Variants in ACTC1 observed in about 807,000 individuals in gnomAD.
ACTC1 encodes actin alpha cardiac muscle 1.
In ACTC1, 10 loss-of-function variants were observed where a neutral mutation model predicts 31.6. That is an observed-to-expected ratio of 0.32 (90% CI 0.19 to 0.54). ACTC1 has a LOEUF of 0.54. Among genes scored for constraint, ACTC1 ranks in the 20% least tolerant of loss-of-function variants. The pLI is 0.95. For missense variants in ACTC1, 129 were observed against 506.4 expected, an observed-to-expected ratio of 0.25 and a Z score of 7.15; for synonymous variants, 196 against 185.0, an observed-to-expected ratio of 1.06 and a Z score of -0.48.
Position 34,792,575 on chromosome 15 carries a change from C to T in ACTC1, c.455-6G>A, listed in dbSNP as rs1359050330. On this transcript the variant is annotated splice_polypyrimidine_tract_variant and splice_region_variant and intron_variant, in intron 3 of 6. Transcript: ENST00000290378. This position sits in a 1 kb window ranked among gnomAD's most constrained non-coding sequence, Gnocchi z 5.3. ...CCCAGAGTCCAGAACAATGCCTGCCCGGGGAAGTAGACAAGAACAAGGTAA... is the reference window on the plus strand; with the variant it reads ...CCCAGAGTCCAGAACAATGCCTGCCTGGGGAAGTAGACAAGAACAAGGTAA... The T allele has an allele frequency of 5.6e-6, 9 of 1,614,078 alleles. No individual in the cohort carries two copies. Among genetic ancestry groups the T allele is most frequent in the East Asian group, 2.2e-5 (1 of 44,862 alleles).
chr15:34,791,819 C>T (rs1891712477), intron 5 of ACTC1: 1 of 474,402 alleles, frequency 2.1e-6, no homozygotes, highest in Non-Finnish European at 3.8e-6. Flanking sequence ...TGTGAACTAG[C>T]CCTTTTCCTG....
chr15:34,794,628 C>A, intron 2 of ACTC1, 52 bp downstream of exon 2: 1 of 1,587,078 alleles, frequency 6.3e-7, no homozygotes, highest in Non-Finnish European at 8.6e-7. Context: ...TTTCCTAGAT[C>A]GCTGGACTGA....
rs896198613 is a variant in ACTC1 at position 34,792,632 on chromosome 15, C to T, written c.455-63G>A. 3.1e-5 allele frequency: 49 copies of T among 1,573,314 alleles called. No individual in the cohort carries two copies. Among genetic ancestry groups the T allele is most frequent in the South Asian group, 1.2e-4 (11 of 89,994 alleles). On this transcript the variant is annotated intron_variant, in intron 3 of 6. Transcript: ENST00000290378. This position sits in a 1 kb window ranked among gnomAD's most constrained non-coding sequence, Gnocchi z 5.3. ...GAGGACAACACCACTGCTCTAGCCA[C>T]GGCAAAGCCCGCTTCCAATCTTGGC...
At chr15:34,794,930 G>C in intron 1 of ACTC1, 100 bp from the exon 2 acceptor site, 5 of 879,148 alleles carry the variant, frequency 5.7e-6, no homozygotes, top group Non-Finnish European at 8.1e-6. Flanking sequence ...GGGTTGTGGG[G>C]ACTGGACAGG....
chr15:34,791,345 A>G (rs1217026718), intron 5 of ACTC1, 50 bp from the exon 6 acceptor site: 1 of 1,296,012 alleles, frequency 7.7e-7, no homozygotes, highest in African/African-American at 1.4e-5. Flanking sequence ...ACACACACAC[A>G]CACACACATC....
chr15:34,791,017 A>T, intron 6 of ACTC1, 97 bp downstream of exon 6: 4 of 1,187,530 alleles, frequency 3.4e-6, no homozygotes, highest in Non-Finnish European at 4.7e-6. Context: ...TTTGTAGGAG[A>T]CAAGAAACTG....
At chr15:34,795,108 C>T (rs1409983945) in intron 1 of ACTC1, among the ~76,000 whole-genome samples, 2 of 152,048 alleles carry the variant, frequency 1.3e-5, no homozygotes, top group African/African-American at 4.8e-5. Flanking sequence ...CCCAAGAAAC[C>T]CAGCCCCTTA....
rs145178906 is a variant in ACTC1 at position 34,793,601 on chromosome 15, C to T, written c.130-32G>A. 12 of 1,590,624 alleles carry T rather than the reference C, an allele frequency of 7.5e-6. No individual in the cohort carries two copies. Among genetic ancestry groups the T allele is most frequent in the African/African-American group, 2.7e-5 (2 of 74,548 alleles). ...GAAGAAAAAATGAGAAAATCATGCTCTCACCATGTCAGGAATATAATCAGT... is the reference window on the plus strand; with the variant it reads ...GAAGAAAAAATGAGAAAATCATGCTTTCACCATGTCAGGAATATAATCAGT... On this transcript the variant is annotated intron_variant, in intron 2 of 6. Transcript: ENST00000290378. This position sits in a 1 kb window ranked among gnomAD's most constrained non-coding sequence, Gnocchi z 4.8.
In ACTC1 at chr15:34,792,181, C is replaced by T. The variant is rs369019849; in HGVS notation, c.717G>A (p.Glu239=). 96 of 1,614,126 alleles carry T rather than the reference C, an allele frequency of 5.9e-5. No individual in the cohort carries two copies. The highest frequency in any genetic ancestry group is 8.0e-5 in the African/African-American group (6 of 74,950). The part of the protein sequence containing the change: ...MATAASSSSL[E]KSYELPDGQV... ...GGCCATCAGGCAGTTCATAGCTCTTCTCCAGGGAGGAGGAAGAGGCAGCTG... is the reference window on the plus strand; with the variant it reads ...GGCCATCAGGCAGTTCATAGCTCTTTTCCAGGGAGGAGGAAGAGGCAGCTG... Residue 239 remains glutamate, a synonymous_variant, in exon 5 of 7, where the codon GAG becomes GAA. Transcript: ENST00000290378. The surrounding 1 kb of genome is among the most constrained non-coding windows in gnomAD (Gnocchi z 5.3).
intron 2 of ACTC1, among the ~76,000 whole-genome samples, chr15:34,794,371 A>C (rs1891770618): frequency 6.6e-6 from 1 of 152,214 alleles, no homozygotes; most frequent in South Asian, 2.1e-4. Context: ...ACAAGGAAGA[A>C]AATGAAGTGT....
rs374252209 is a variant in ACTC1, at chr15:34,790,367, A to C, written c.*45T>G. The C allele has an allele frequency of 6.2e-7, 1 of 1,610,788 alleles. No homozygotes were observed. Among genetic ancestry groups the C allele is most frequent in the Non-Finnish European group, 8.5e-7 (1 of 1,178,500 alleles). ...TGGTTTGGAAGACTCCAAGAAGCAT[A>C]ATACCGTCATCCTGACTGGAAGGTA... On this transcript the variant is annotated 3_prime_UTR_variant, in exon 7 of 7. Transcript: ENST00000290378.
In ACTC1 at chr15:34,793,606, C is replaced by T; in HGVS notation, c.130-37G>A. The T allele has an allele frequency of 1.9e-6, 3 of 1,580,622 alleles. No homozygotes were observed. Among genetic ancestry groups the T allele is most frequent in the Non-Finnish European group, 2.6e-6 (3 of 1,151,114 alleles). On this transcript the variant is annotated intron_variant, in intron 2 of 6. Transcript: ENST00000290378. The surrounding 1 kb of genome is among the most constrained non-coding windows in gnomAD (Gnocchi z 4.8). ...AAAAATGAGAAAATCATGCTCTCAC[C>T]ATGTCAGGAATATAATCAGTGTCTT...
chr15:34,795,135 T>C (rs986080979), intron 1 of ACTC1, among the ~76,000 whole-genome samples: 1 of 151,962 alleles, frequency 6.6e-6, no homozygotes, highest in Non-Finnish European at 1.5e-5. Flanking sequence ...CCCAGCCCTT[T>C]AACTTTCTTC....
chr15:34,790,252 T>C lies in ACTC1; in HGVS notation c.*160A>G, dbSNP rs537551929. ...TTATAGGTTGCAAGTCCTGGTCTGG[T>C]TTATTTATAAAGCAATAAATATTAG... On this transcript the variant is annotated 3_prime_UTR_variant, in exon 7 of 7. Transcript: ENST00000290378. 22 of 1,020,162 alleles carry C rather than the reference T, an allele frequency of 2.2e-5. No individual in the cohort carries two copies. The highest frequency in any genetic ancestry group is 2.0e-4 in the Admixed American group (10 of 49,860). 63.2% of individuals were successfully genotyped at this position (1,020,162 alleles called of 1,614,324 possible). A position where few individuals can be genotyped will look rare whatever the true frequency, so the allele number is the denominator to read the frequency against.
rs1341945129 is a variant in ACTC1 at position 34,794,716 on chromosome 15, A to G, written c.93T>C (p.Ala31=). Residue 31 remains alanine, a synonymous_variant, in exon 2 of 7, where the codon GCT becomes GCC. Transcript: ENST00000290378. ...AGFAGDDAPR[A]VFPSIVGRPR... ...GGCGGCCCACGATGGACGGGAAGAC[A>G]GCGCGGGGCGCGTCATCGCCCGCAA... 1.4e-5 allele frequency: 23 copies of G among 1,612,964 alleles called. No homozygotes were observed. The highest frequency in any genetic ancestry group is 1.3e-5 in the African/African-American group (1 of 74,932).
rs1203419121 is a variant in ACTC1 at position 34,791,423 on chromosome 15, TTG to T, written c.809-130_809-129del. 6.8e-5 allele frequency: 89 copies of T among 1,300,430 alleles called. No individual in the cohort carries two copies. The East Asian group carries it at 2.0e-3, about 30-fold the overall frequency. 80.6% of individuals were successfully genotyped at this position (1,300,430 alleles called of 1,614,324 possible). A position where few individuals can be genotyped will look rare whatever the true frequency, so the allele number is the denominator to read the frequency against. On this transcript the variant is annotated intron_variant, in intron 5 of 6. Coordinates refer to ENST00000290378, the MANE Select transcript of ACTC1 (RefSeq NM_005159.5). ...CTTTGTGTGGGGGAGCTGTCACCAT[TTG>T]TCTCTGAAACATATGTTCCCCTATA...
rs778914066 is a variant in ACTC1 at position 34,791,162 on chromosome 15, A to G, written c.942T>C (p.Arg314=). The G allele has an allele frequency of 2.5e-6, 4 of 1,611,456 alleles. No individual in the cohort carries two copies. The highest frequency in any genetic ancestry group is 8.5e-7 in the Non-Finnish European group (1 of 1,177,874). Residue 314 remains arginine (R), a synonymous_variant, in exon 6 of 7, where the codon CGT becomes CGC. Transcript: ENST00000290378. ...CCAGAGCAGTGATTTCCTTCTGCATACGATCAGCAATACCAGGGTACATAG... is the reference window on the plus strand; with the variant it reads ...CCAGAGCAGTGATTTCCTTCTGCATGCGATCAGCAATACCAGGGTACATAG... ...GTTMYPGIAD[R]MQKEITALAP... is the part of the protein sequence containing the mutation.
At position 34,792,157 on chromosome 15, in the gene ACTC1, G is replaced by T. The variant is rs1595760747; in HGVS notation, c.741C>A (p.Gly247=). The change falls in exon 5 of 7, where the codon GGC becomes GGA. Residue 247 remains glycine (G), a synonymous_variant. Coordinates refer to ENST00000290378, the MANE Select transcript of ACTC1 (RefSeq NM_005159.5). The surrounding 1 kb of genome is among the most constrained non-coding windows in gnomAD (Gnocchi z 5.3). ...SLEKSYELPD[G]QVITIGNERF... is the part of the protein sequence containing the mutation. ...GCTCATTGCCAATAGTGATGACTTG[G>T]CCATCAGGCAGTTCATAGCTCTTCT... is the stretch of plus-strand genomic sequence containing the variant. 2 of 1,614,208 alleles carry T rather than the reference G, an allele frequency of 1.2e-6. No homozygotes were observed. Among genetic ancestry groups the T allele is most frequent in the South Asian group, 2.2e-5 (2 of 91,084 alleles).
At position 34,794,799 on chromosome 15, in the gene ACTC1, C is replaced by A. The variant is rs730880408; in HGVS notation, c.10G>T (p.Asp4Tyr). The change falls in exon 2 of 7, where the codon GAC (aspartate) becomes TAC (tyrosine). Residue 4 changes from aspartate to tyrosine, a missense_variant. Coordinates refer to ENST00000290378, the MANE Select transcript of ACTC1 (RefSeq NM_005159.5). ...CACACCAGGGCGGTGGTCTCCTCGT[C>A]GTCACACATCTTGGCACAGCTTCAG... MCD[D>Y]EETTALVCDN... 6.2e-7 allele frequency: 1 copy of A among 1,613,420 alleles called. No homozygotes were observed. Among genetic ancestry groups the A allele is most frequent in the Non-Finnish European group, 8.5e-7 (1 of 1,179,586 alleles).
Sources: allele counts gnomAD v4.1 joint callset (sites outside exome capture counted in the v4.1 genomes callset), GRCh38; gene constraint gnomAD v4.1.1; non-coding constraint Gnocchi (gnomAD v3.1); transcripts MANE v1.5; gene names NCBI Gene and HGNC (gene_info 2026-07-23, HGNC 2026-07-21).